The following ITIH2 variants were observed in gnomAD, a reference collection of about 807,000 sequenced individuals.
The protein encoded by ITIH2 is inter-alpha-trypsin inhibitor heavy chain 2, also known as inter-alpha-trypsin inhibitor heavy chain H2.
In ITIH2, 103 loss-of-function variants were observed where a neutral mutation model predicts 104.4. The ratio of observed to expected loss-of-function variants is 0.99; its 90% CI spans 0.84 to 1.16. The LOEUF is 1.16. Among genes scored for constraint, ITIH2 ranks in the 50% most tolerant of loss-of-function variants. The pLI is 0.00. For missense variants in ITIH2, 1,108 were observed against 1,162.4 expected, an observed-to-expected ratio of 0.95 and a Z score of 0.68; for synonymous variants, 436 against 435.4, an observed-to-expected ratio of 1.00 and a Z score of -0.02.
chr10:7,716,113 T>C (rs569339994), intron 5 of ITIH2, among the ~76,000 whole-genome samples: 1 of 151,040 alleles, frequency 6.6e-6, no homozygotes, highest in African/African-American at 2.4e-5. Context: ...GCCTCCTGAG[T>C]AGCTAGGATT....
At chr10:7,748,521 C>CTTTTTTTTTTT (rs549517172) in intron 20 of ITIH2, among the ~76,000 whole-genome samples, 322 of 27,130 alleles carry the variant, frequency 0.012, 122 homozygotes, top group Middle Eastern at 0.043. Flanking sequence ...CCAATGCATT[C>CTTTTTTTTTTT]TTTTTTTTTT....
chr10:7,714,123 A>C (rs941833464), intron 5 of ITIH2, among the ~76,000 whole-genome samples: 7 of 151,412 alleles, frequency 4.6e-5, no homozygotes, highest in African/African-American at 1.7e-4. Flanking sequence ...AAAATCTTCA[A>C]AGGGATGTTC....
At chr10:7,724,618 G>A (rs80167373) in intron 9 of ITIH2, among the ~76,000 whole-genome samples, 10,225 of 146,532 alleles carry the variant, frequency 0.07, 518 homozygotes, top group African/African-American at 0.14. Flanking sequence ...CGAAGAAGAG[G>A]AAAAAGAAGA....
intron 3 of ITIH2, 69 bp from the exon 4 acceptor site, chr10:7,708,953 T>G (rs918187767): frequency 3.4e-5 from 44 of 1,290,198 alleles, no homozygotes; most frequent in Non-Finnish European, 3.6e-5. Context: ...TAACATCAAA[T>G]GCACTACATT....
In ITIH2 at chr10:7,743,204, C is replaced by A; in HGVS notation, c.2154C>A (p.Phe718Leu). The change falls in exon 17 of 21, where the codon TTC becomes TTA. Residue 718 changes from phenylalanine (F) to leucine (L), a missense_variant. Physicochemically the swap from Phe to Leu is conservative, Grantham distance 22. Coordinates refer to ENST00000358415, the MANE Select transcript of ITIH2 (RefSeq NM_002216.3). ...CAAAAAGCCAAAAGAACATTTGTTT[C>A]AATATTGACTCAGAACCTGGAAAAA... Reference protein sequence around the residue: ...YLPKSQKNICFNIDSEPGKIL... With the variant: ...YLPKSQKNICLNIDSEPGKIL... 2 of 1,595,114 alleles carry A rather than the reference C, an allele frequency of 1.3e-6. No homozygotes were observed. Among genetic ancestry groups the A allele is most frequent in the Non-Finnish European group, 1.7e-6 (2 of 1,172,336 alleles).
rs1834862228 is a variant in ITIH2, at chr10:7,717,606, T to C, written c.468-20T>C. ...TCAATCATGTATCTGTTGACTTTTGTTGGGGGCTTTCACCTTTAGGAGCAG... is the reference window on the plus strand; with the variant it reads ...TCAATCATGTATCTGTTGACTTTTGCTGGGGGCTTTCACCTTTAGGAGCAG... On this transcript the variant is annotated intron_variant, in intron 5 of 20. Coordinates refer to ENST00000358415, the MANE Select transcript of ITIH2 (RefSeq NM_002216.3). 1.9e-6 allele frequency: 3 copies of C among 1,606,950 alleles called. No homozygotes were observed. Among genetic ancestry groups the C allele is most frequent in the African/African-American group, 1.3e-5 (1 of 74,918 alleles).
Position 7,746,596 on chromosome 10 carries a change from A to T in ITIH2, c.2585A>T (p.Gln862Leu), listed in dbSNP as rs1835179959. Reference sequence around the variant, plus strand: ...ATGTCTGATTCTGTTTTGCTAGGCCAGTTCATGCAGGAACCAAAGATACAC... The same window carrying T: ...ATGTCTGATTCTGTTTTGCTAGGCCTGTTCATGCAGGAACCAAAGATACAC... Reference protein sequence around the residue: ...FSPKAHGLIGQFMQEPKIHIF... With the variant: ...FSPKAHGLIGLFMQEPKIHIF... Residue 862 changes from glutamine (Q) to leucine (L), a missense_variant, in exon 20 of 21, where the codon CAG becomes CTG. By Grantham distance (113) the Gln-to-Leu change is moderately radical. Transcript: ENST00000358415. 1 of 1,606,690 alleles carries T rather than the reference A, an allele frequency of 6.2e-7. No individual in the cohort carries two copies. Among genetic ancestry groups the T allele is most frequent in the Non-Finnish European group, 8.5e-7 (1 of 1,173,630 alleles).
chr10:7,714,296 A>G (rs912575799), intron 5 of ITIH2, among the ~76,000 whole-genome samples: 1 of 148,878 alleles, frequency 6.7e-6, no homozygotes, highest in African/African-American at 2.5e-5. Context: ...CTCAGCCTCC[A>G]GAGTAGCTGG....
At chr10:7,719,845 G>A (rs899059137) in intron 6 of ITIH2, among the ~76,000 whole-genome samples, 7 of 148,764 alleles carry the variant, frequency 4.7e-5, no homozygotes, top group African/African-American at 1.5e-4. Flanking sequence ...AAATACCACA[G>A]GTTCTCACTT....
intron 5 of ITIH2, 30 bp from the exon 6 acceptor site, chr10:7,717,596 T>C (rs968763855): frequency 6.9e-6 from 11 of 1,603,816 alleles, no homozygotes; most frequent in Middle Eastern, 1.7e-4. Context: ...CATGTATCTG[T>C]TGACTTTTGT....
At chr10:7,745,409 C>T (rs1259342320) in intron 19 of ITIH2, among the ~76,000 whole-genome samples, 1 of 151,988 alleles carries the variant, frequency 6.6e-6, no homozygotes, top group African/African-American at 2.4e-5. Context: ...ATTCTCCTGC[C>T]ATCAGGGTGC....
rs1332472137 is a variant in ITIH2, at chr10:7,738,759, G to T, written c.2095+1G>T. On this transcript the variant is annotated splice_donor_variant, in intron 16 of 20. Coordinates refer to ENST00000358415, the MANE Select transcript of ITIH2 (RefSeq NM_002216.3). LOFTEE classifies it high-confidence loss of function. ...ACGCCACCCCCACATGTGATGAGAG[G>T]TAACGCTTCTACACTGCTTGCACGT... is the stretch of plus-strand genomic sequence containing the variant. 7.5e-6 allele frequency: 12 copies of T among 1,606,014 alleles called. No individual in the cohort carries two copies. The East Asian group carries it at 2.7e-4, about 36-fold the overall frequency.
At chr10:7,706,719 C>T (rs1330915129) in intron 2 of ITIH2, among the ~76,000 whole-genome samples, 1 of 152,134 alleles carries the variant, frequency 6.6e-6, no homozygotes, top group Non-Finnish European at 1.5e-5. Flanking sequence ...GAGATTTTCA[C>T]TGGAGGAATT....
chr10:7,729,168 C>G (rs951535451), intron 11 of ITIH2, among the ~76,000 whole-genome samples: 1 of 152,090 alleles, frequency 6.6e-6, no homozygotes, highest in Non-Finnish European at 1.5e-5. Flanking sequence ...ACAAAATTAG[C>G]CTGACAGGGC....
intron 11 of ITIH2, 119 bp downstream of exon 11, chr10:7,727,947 C>G: frequency 8.5e-7 from 1 of 1,179,206 alleles, no homozygotes; most frequent in Non-Finnish European, 1.2e-6. Context: ...CATTTTAAAC[C>G]CATGCTTCCT....
intron 14 of ITIH2, among the ~76,000 whole-genome samples, chr10:7,734,309 C>T (rs111695112): frequency 1.3e-5 from 2 of 152,108 alleles, no homozygotes. Context: ...TATGGGGGAC[C>T]GTGTGTATGC....
intron 9 of ITIH2, among the ~76,000 whole-genome samples, chr10:7,726,376 A>G (rs1004301184): frequency 6.6e-6 from 1 of 152,242 alleles, no homozygotes; most frequent in African/African-American, 2.4e-5. Flanking sequence ...GAAATAGTTC[A>G]TGAATAGATG....
intron 5 of ITIH2, among the ~76,000 whole-genome samples, chr10:7,714,235 G>A (rs1834825549): frequency 7.0e-6 from 1 of 143,362 alleles, no homozygotes; most frequent in East Asian, 2.1e-4. Flanking sequence ...GCAGTGGTGC[G>A]ATCTCGGCTC....
At chr10:7,729,219 A>G (rs1052369880) in intron 11 of ITIH2, among the ~76,000 whole-genome samples, 1 of 152,188 alleles carries the variant, frequency 6.6e-6, no homozygotes, top group African/African-American at 2.4e-5. Context: ...AGGCTGAGAC[A>G]GGAGAATCCC....
Sources: allele counts gnomAD v4.1 joint callset (sites outside exome capture counted in the v4.1 genomes callset), GRCh38; gene constraint gnomAD v4.1.1; transcripts MANE v1.5; gene names NCBI Gene and HGNC (gene_info 2026-07-23, HGNC 2026-07-21).